TRIQK: variants seen among roughly 807,000 people sequenced by gnomAD.
TRIQK encodes the protein triple QxxK/R motif containing.
Under a neutral mutation model 10.8 loss-of-function variants are expected in TRIQK, and 10 were observed. The ratio of observed to expected loss-of-function variants is 0.92; its 90% confidence interval spans 0.57 to 1.57. The LOEUF (loss-of-function observed/expected upper bound fraction) is 1.57, where lower values mean the gene tolerates loss of function less well. Ranked by LOEUF, TRIQK falls within the 40% of genes most tolerant of loss-of-function variation. The pLI is 0.00. For missense variants in TRIQK, 107 were observed against 97.7 expected, an observed-to-expected ratio of 1.09 and a Z score of -0.40; for synonymous variants, 33 against 33.7, an observed-to-expected ratio of 0.98 and a Z score of 0.07.
intron 2 of TRIQK, among the ~76,000 whole-genome samples, chr8:92,931,400 T>G (rs902372555): frequency 2.6e-5 from 4 of 152,146 alleles, no homozygotes; most frequent in African/African-American, 9.7e-5. Flanking sequence ...AGTCTCTACA[T>G]GCATGTGCTC....
chr8:93,013,058 A>G (rs1449201511), intron 1 of TRIQK, among the ~76,000 whole-genome samples: 1 of 152,200 alleles, frequency 6.6e-6, no homozygotes, highest in Non-Finnish European at 1.5e-5. Flanking sequence ...AACAGGAATC[A>G]AACAGGCTTT....
At chr8:92,985,222 G>C (rs1481580359) in intron 1 of TRIQK, among the ~76,000 whole-genome samples, 1 of 16,246 alleles carries the variant, frequency 6.2e-5, no homozygotes, top group Admixed American at 3.3e-4. Context: ...GAGATTATCT[G>C]TGTGTGTGTG....
chr8:92,958,427 A>G (rs960466086), intron 1 of TRIQK, among the ~76,000 whole-genome samples: 5 of 151,974 alleles, frequency 3.3e-5, no homozygotes, highest in Non-Finnish European at 7.4e-5. Flanking sequence ...TATTGTACAT[A>G]CTTATCTCTA....
intron 1 of TRIQK, among the ~76,000 whole-genome samples, chr8:92,991,977 A>C (rs1193463727): frequency 1.3e-5 from 2 of 152,324 alleles, no homozygotes; most frequent in East Asian, 3.9e-4. Context: ...AAAGAGAACT[A>C]CAAACCACTG....
chr8:92,962,374 G>A (rs527869318), intron 1 of TRIQK, among the ~76,000 whole-genome samples: 11 of 152,222 alleles, frequency 7.2e-5, no homozygotes, highest in African/African-American at 1.9e-4. Context: ...TGAGTTTCGC[G>A]TTTCTACATA....
At chr8:92,894,264 C>T (rs1816902656) in intron 3 of TRIQK, among the ~76,000 whole-genome samples, 1 of 152,072 alleles carries the variant, frequency 6.6e-6, no homozygotes, top group Non-Finnish European at 1.5e-5. Context: ...TTTTAGTTTA[C>T]TAAGTGACAA....
chr8:92,917,323 A>T (rs762461729), intron 2 of TRIQK, among the ~76,000 whole-genome samples: 4 of 152,038 alleles, frequency 2.6e-5, no homozygotes, highest in Non-Finnish European at 4.4e-5. Flanking sequence ...TTACTTAGAT[A>T]GGTTGGGGCT....
At chr8:92,895,933 G>C (rs1034404319) in intron 3 of TRIQK, among the ~76,000 whole-genome samples, 2 of 152,072 alleles carry the variant, frequency 1.3e-5, no homozygotes, top group Non-Finnish European at 2.9e-5. Context: ...TAAAAAAAAA[G>C]TGTGCTGAGG....
chr8:93,004,967 A>G (rs968129659), intron 1 of TRIQK, among the ~76,000 whole-genome samples: 1 of 152,194 alleles, frequency 6.6e-6, no homozygotes, highest in Non-Finnish European at 1.5e-5. Flanking sequence ...ACTTTCCCTC[A>G]TCTTCCTGTC....
At chr8:92,932,268 T>C (rs757312027) in intron 2 of TRIQK, among the ~76,000 whole-genome samples, 4 of 152,172 alleles carry the variant, frequency 2.6e-5, no homozygotes, top group African/African-American at 4.8e-5. Context: ...CAAGGTCCTA[T>C]ATAACTACCC....
intron 1 of TRIQK, among the ~76,000 whole-genome samples, chr8:93,002,036 G>A (rs1197230666): frequency 6.6e-6 from 1 of 151,670 alleles, no homozygotes; most frequent in East Asian, 1.9e-4. Context: ...AGGAGTCAAT[G>A]AAGAAATTCT....
intron 1 of TRIQK, among the ~76,000 whole-genome samples, chr8:93,012,212 T>C (rs1311333426): frequency 4.6e-5 from 7 of 152,200 alleles, no homozygotes; most frequent in African/African-American, 1.7e-4. Flanking sequence ...AGAAACTTTG[T>C]TGAAAGGGTA....
intron 2 of TRIQK, among the ~76,000 whole-genome samples, chr8:92,950,638 C>T (rs1488260647): frequency 6.6e-6 from 1 of 152,070 alleles, no homozygotes; most frequent in African/African-American, 2.4e-5. Context: ...GAGCAATAGC[C>T]TGACTTTAGA....
intron 1 of TRIQK, among the ~76,000 whole-genome samples, chr8:93,010,248 G>A (rs1813318291): frequency 6.6e-6 from 1 of 152,000 alleles, no homozygotes; most frequent in Admixed American, 6.6e-5. Flanking sequence ...CTTTAAAATA[G>A]CTAAAAGAGA....
chr8:92,911,969 G>A (rs1563626471), intron 3 of TRIQK, among the ~76,000 whole-genome samples: 2 of 149,684 alleles, frequency 1.3e-5, no homozygotes, highest in East Asian at 3.9e-4. Context: ...CCATGGAACT[G>A]AAGAAATAGA....
intron 2 of TRIQK, among the ~76,000 whole-genome samples, chr8:92,947,506 C>T (rs1023227000): frequency 2.1e-5 from 3 of 144,814 alleles, no homozygotes; most frequent in East Asian, 2.0e-4. Context: ...ATCACTTGAA[C>T]GCAGGAGGCG....
intron 1 of TRIQK, among the ~76,000 whole-genome samples, chr8:92,994,490 A>C (rs1037883828): frequency 1.6e-4 from 25 of 152,136 alleles, no homozygotes; most frequent in Non-Finnish European, 3.5e-4. Context: ...AATAGAAAAA[A>C]TCCAGTCCAT....
chr8:92,918,116 T>C (rs1809966175), intron 2 of TRIQK, among the ~76,000 whole-genome samples: 1 of 152,098 alleles, frequency 6.6e-6, no homozygotes, highest in South Asian at 2.1e-4. Context: ...TTGCTATCCA[T>C]TCATCTACTG....
intron 2 of TRIQK, among the ~76,000 whole-genome samples, chr8:92,932,193 C>T (rs1033682569): frequency 3.3e-5 from 5 of 152,040 alleles, no homozygotes; most frequent in African/African-American, 1.2e-4. Context: ...TTCCCGTGTT[C>T]CCCATAATTC....
Sources: allele counts gnomAD v4.1 joint callset (sites outside exome capture counted in the v4.1 genomes callset), GRCh38; gene constraint gnomAD v4.1.1; transcripts MANE v1.5; gene names NCBI Gene and HGNC (gene_info 2026-07-23, HGNC 2026-07-21).